ABCC4: variants seen among roughly 807,000 people sequenced by gnomAD.
ABCC4 encodes ATP-binding cassette sub-family C member 4.
A neutral mutation model predicts 168.5 loss-of-function variants in ABCC4; 102 were observed. The ratio of observed to expected loss-of-function variants is 0.61; its 90% confidence interval spans 0.52 to 0.71. ABCC4 has a LOEUF of 0.71. Among genes scored for constraint, ABCC4 ranks in the 30% least tolerant of loss-of-function variants. The pLI, the probability that ABCC4 is intolerant of heterozygous loss-of-function variation, is 0.00. For synonymous variants in ABCC4, 617 were observed against 590.7 expected (o/e 1.04, Z -0.65); for missense variants, 1,402 against 1,605.8 (o/e 0.87, Z 2.17).
At chr13:95,055,138 T>C (rs149791165) in intron 26 of ABCC4, among the ~76,000 whole-genome samples, 1 of 152,296 alleles carries the variant, frequency 6.6e-6, no homozygotes, top group East Asian at 1.9e-4. Context: ...GTCTTAAAAG[T>C]ACCCAACTGA....
intron 1 of ABCC4, among the ~76,000 whole-genome samples, chr13:95,276,414 CAAAAA>C (rs60996116): frequency 1.1e-5 from 1 of 87,652 alleles, no homozygotes; most frequent in African/African-American, 4.6e-5. Flanking sequence ...GACCCATCTC[CAAAAA>C]AAAAAAAAAA....
chr13:95,168,415 A>C (rs2037356360), intron 14 of ABCC4, among the ~76,000 whole-genome samples: 1 of 152,176 alleles, frequency 6.6e-6, no homozygotes, highest in South Asian at 2.1e-4. Flanking sequence ...ACTTGCCGGG[A>C]CTTCAGTGGA....
At position 95,301,302 on chromosome 13, in the gene ABCC4, A is replaced by G. The variant is rs1008402930; in HGVS notation, c.13T>C (p.Tyr5His). ...AGCGGGTTGGGCTTCACCTCCTGGT[A>G]CACGGGCAGCATCTTGCCGGGCGGG... MLPVYQEVKPNPLQD... is the reference protein window; with the variant it reads MLPVHQEVKPNPLQD... Residue 5 changes from tyrosine (Y) to histidine (H), a missense_variant, in exon 1 of 31, where the codon TAC (tyrosine) becomes CAC (histidine). Around this residue, in one of 3 missense-constraint regions of ABCC4, gnomAD observed 317 missense variants for 345.5 expected, o/e 0.92. Coordinates refer to ENST00000645237, the MANE Select transcript of ABCC4 (RefSeq NM_005845.5). 3 of 1,594,742 alleles carry G rather than the reference A, an allele frequency of 1.9e-6. No individual in the cohort carries two copies. Among genetic ancestry groups the G allele is most frequent in the Non-Finnish European group, 2.6e-6 (3 of 1,171,524 alleles).
intron 1 of ABCC4, among the ~76,000 whole-genome samples, chr13:95,282,620 T>C (rs1462777001): frequency 2.0e-5 from 3 of 151,970 alleles, no homozygotes; most frequent in Non-Finnish European, 1.5e-5. Flanking sequence ...CTGCAACCTC[T>C]GCCTCCCGGG....
chr13:95,025,202 CCCCA>C (rs2031364212), intron 30 of ABCC4, among the ~76,000 whole-genome samples: 1 of 85,494 alleles, frequency 1.2e-5, no homozygotes, highest in Non-Finnish European at 2.1e-5. Context: ...CACCACACAC[CCCCA>C]CACCCCCCAC....
At chr13:95,023,258 A>T (rs2031199979) in intron 30 of ABCC4, among the ~76,000 whole-genome samples, 1 of 152,188 alleles carries the variant, frequency 6.6e-6, no homozygotes, top group African/African-American at 2.4e-5. Flanking sequence ...TAGCAACTTT[A>T]AACCCAAATG....
chr13:95,139,377 T>C (rs796420306), intron 19 of ABCC4, among the ~76,000 whole-genome samples: 3 of 152,270 alleles, frequency 2.0e-5, no homozygotes, highest in African/African-American at 7.2e-5. Context: ...AAATACCCAG[T>C]GGTCAAATTC....
intron 27 of ABCC4, among the ~76,000 whole-genome samples, chr13:95,046,383 AG>A (rs2032580859): frequency 6.6e-6 from 1 of 152,242 alleles, no homozygotes; most frequent in African/African-American, 2.4e-5. Flanking sequence ...TAGGGTTGTG[AG>A]GTGAAGAATA....
intron 26 of ABCC4, among the ~76,000 whole-genome samples, chr13:95,061,688 C>T (rs1440507436): frequency 7.1e-6 from 1 of 140,146 alleles, no homozygotes; most frequent in South Asian, 2.3e-4. Flanking sequence ...AAAAAACCCA[C>T]ATTAAAAGAA....
chr13:95,246,827 T>C, intron 3 of ABCC4, 148 bp downstream of exon 3: 2 of 887,856 alleles, frequency 2.3e-6, no homozygotes, highest in Non-Finnish European at 3.5e-6. Flanking sequence ...TTCCTAGACA[T>C]GTTTAATCCT....
intron 9 of ABCC4, among the ~76,000 whole-genome samples, chr13:95,191,467 C>G (rs928469748): frequency 1.2e-4 from 18 of 152,126 alleles, no homozygotes; most frequent in African/African-American, 4.3e-4. Context: ...ACATGCCTAA[C>G]AACTATTTCT....
chr13:95,131,620 C>T (rs1428733051), intron 19 of ABCC4, among the ~76,000 whole-genome samples: 1 of 151,836 alleles, frequency 6.6e-6, no homozygotes, highest in Non-Finnish European at 1.5e-5. Flanking sequence ...CAGAGCAAGA[C>T]TGTCTCAAAA....
intron 3 of ABCC4, among the ~76,000 whole-genome samples, chr13:95,240,970 C>CA (rs1252136881): frequency 6.6e-6 from 1 of 150,618 alleles, no homozygotes; most frequent in Non-Finnish European, 1.5e-5. Flanking sequence ...GACTCTGGCT[C>CA]AAAAAACAAA....
intron 1 of ABCC4, among the ~76,000 whole-genome samples, chr13:95,284,893 G>T (rs936423777): frequency 2.7e-5 from 4 of 150,654 alleles, no homozygotes; most frequent in African/African-American, 9.8e-5. Context: ...TATTGGTAAG[G>T]TACTTAGAAT....
intron 19 of ABCC4, among the ~76,000 whole-genome samples, chr13:95,159,501 A>G (rs2037016195): frequency 6.6e-6 from 1 of 152,158 alleles, no homozygotes; most frequent in Non-Finnish European, 1.5e-5. Context: ...TGAATAATAA[A>G]TAAATCAGCA....
At chr13:95,112,597 G>A (rs1029735853) in intron 20 of ABCC4, among the ~76,000 whole-genome samples, 3 of 152,092 alleles carry the variant, frequency 2.0e-5, no homozygotes, top group Non-Finnish European at 2.9e-5. Context: ...AATACCATCC[G>A]TAGTTGGTTC....
intron 4 of ABCC4, among the ~76,000 whole-genome samples, chr13:95,232,157 G>GGTGGT (rs1566551471): frequency 1.3e-5 from 2 of 151,196 alleles, no homozygotes; most frequent in African/African-American, 4.9e-5. Context: ...TGGTGGTGGT[G>GGTGGT]ATGATGATGA....
At position 95,116,010 on chromosome 13, in the gene ABCC4, A is replaced by C; in HGVS notation, c.2456-9T>G. 6.2e-7 allele frequency: 1 copy of C among 1,605,804 alleles called. No homozygotes were observed. The highest frequency in any genetic ancestry group is 2.2e-5 in the East Asian group (1 of 44,846). ...ACGATTTAAAATTCTTCCTGCAAGA[A>C]CAGGATATGAAAAATTACTCATTTC... On this transcript the variant is annotated splice_polypyrimidine_tract_variant and intron_variant, in intron 19 of 30. Coordinates refer to ENST00000645237, the MANE Select transcript of ABCC4 (RefSeq NM_005845.5).
rs1555316374 is a variant in ABCC4, at chr13:95,124,712, C to CGAA, written c.2456-8714_2456-8712dup. Among the ~76,000 whole-genome samples the CGAA allele has an allele frequency of 4.2e-4, 7 of 16,790 alleles. No homozygotes were observed. The Admixed American group carries it at 4.8e-3, about 12-fold the overall frequency. 11.0% of individuals were successfully genotyped at this position (16,790 alleles called of 152,430 possible). On this transcript the variant is annotated intron_variant, in intron 19 of 30. Transcript: ENST00000645237. The stretch of plus-strand genomic sequence containing the variant: ...GGTGAAACCCTGTCTCTACTAAAAA[C>CGAA]GAAAAAAAAAAAAAAAAAAAAAGCC...
Sources: allele counts gnomAD v4.1 joint callset (sites outside exome capture counted in the v4.1 genomes callset), GRCh38; gene constraint gnomAD v4.1.1; regional missense constraint gnomAD v4.1.1; transcripts MANE v1.5; gene names NCBI Gene and HGNC (gene_info 2026-07-23, HGNC 2026-07-21).